Variants in DCAKD observed in about 807,000 individuals in gnomAD.
DCAKD encodes the protein dephospho-CoA kinase domain containing.
In DCAKD, 15 loss-of-function variants were observed where a neutral mutation model predicts 18.7. The observed-to-expected ratio is 0.80, with a 90% CI of 0.54 to 1.24. DCAKD has a LOEUF of 1.24. Ranked by LOEUF, DCAKD falls within the 50% of genes most tolerant of loss-of-function variation. The pLI is 0.00. For synonymous variants in DCAKD, 130 were observed against 133.0 expected (o/e 0.98, Z 0.16); for missense variants, 301 against 322.0 (o/e 0.93, Z 0.50).
rs2052999581 is a variant in DCAKD at position 45,024,132 on chromosome 17, T to TGAC, written c.*298_*300dup. 2.7e-6 allele frequency: 1 copy of TGAC among 365,512 alleles called. No homozygotes were observed. Among genetic ancestry groups the TGAC allele is most frequent in the South Asian group, 5.6e-5 (1 of 17,882 alleles). 22.6% of individuals were successfully genotyped at this position (365,512 alleles called of 1,614,324 possible). A position where few individuals can be genotyped will look rare whatever the true frequency, so the allele number is the denominator to read the frequency against. ...ACCCACAGAAATGTATAGCAGTCTC[T>TGAC]GACTGTTGCTTTCACACACCATCAC... On this transcript the variant is annotated 3_prime_UTR_variant, in exon 5 of 5. Coordinates refer to ENST00000651974, the MANE Select transcript of DCAKD (RefSeq NM_001288655.2).
At chr17:45,035,482 A>T (rs1193931747) in intron 1 of DCAKD, among the ~76,000 whole-genome samples, 9 of 56,170 alleles carry the variant, frequency 1.6e-4, no homozygotes, top group South Asian at 4.8e-4. Flanking sequence ...ATTCCTTCTA[A>T]AAAAAAAAAA....
intron 4 of DCAKD, among the ~76,000 whole-genome samples, 165 bp downstream of exon 4, chr17:45,029,927 G>A (rs369772764): frequency 6.6e-6 from 1 of 152,024 alleles, no homozygotes; most frequent in Non-Finnish European, 1.5e-5. Flanking sequence ...AGGACTATCC[G>A]CGTCAGGCAC....
intron 1 of DCAKD, among the ~76,000 whole-genome samples, chr17:45,035,774 C>T (rs1449536826): frequency 2.6e-5 from 4 of 152,300 alleles, no homozygotes; most frequent in African/African-American, 9.6e-5. Context: ...AAAGAGACCA[C>T]AAATAGAGTC....
rs900738767 is a variant in DCAKD, at chr17:45,051,509, G to C, written c.-263C>G. On this transcript the variant is annotated 5_prime_UTR_variant, in exon 1 of 5. Coordinates refer to ENST00000651974, the MANE Select transcript of DCAKD (RefSeq NM_001288655.2). Reference sequence around the variant, plus strand: ...CGCGGCCAGGGCCCGCCCCCTCCCCGGCGCCCGGCTGGCTCTCACCGGCCC... The same window carrying C: ...CGCGGCCAGGGCCCGCCCCCTCCCCCGCGCCCGGCTGGCTCTCACCGGCCC... 1.3e-5 allele frequency: 2 copies of C among 151,810 alleles called. No individual in the cohort carries two copies. The highest frequency in any genetic ancestry group is 4.2e-4 in the South Asian group (2 of 4,812). The allele number at this position is 151,810 out of a possible 1,614,324, so 9.4% of individuals were successfully genotyped here.
intron 1 of DCAKD, among the ~76,000 whole-genome samples, chr17:45,037,503 A>G (rs2053329157): frequency 1.3e-5 from 2 of 152,072 alleles, no homozygotes; most frequent in African/African-American, 4.8e-5. Context: ...GTCGTTGCCC[A>G]GGCTGGAGTG....
At chr17:45,056,046 T>G (rs1057419871), upstream of DCAKD, among the ~76,000 whole-genome samples, 2 of 151,420 alleles carry the variant, frequency 1.3e-5, no homozygotes, top group Non-Finnish European at 1.5e-5. Flanking sequence ...TCCCAGCTAC[T>G]CAGGAGGCTG....
intron 4 of DCAKD, among the ~76,000 whole-genome samples, chr17:45,026,217 ACT>A (rs2143164622): frequency 1.0e-5 from 1 of 99,922 alleles, no homozygotes; most frequent in African/African-American, 3.7e-5. Flanking sequence ...CCGCGCCTGG[ACT>A]TTTTTTTTTT....
chr17:45,045,990 A>AT (rs1325661453), intron 1 of DCAKD, among the ~76,000 whole-genome samples: 2 of 151,222 alleles, frequency 1.3e-5, no homozygotes, highest in East Asian at 2.0e-4. Context: ...CGCCCAGCTA[A>AT]TTTTTTTTGT....
At chr17:45,033,346 A>C (rs1163865480) in intron 3 of DCAKD, among the ~76,000 whole-genome samples, 4 of 152,118 alleles carry the variant, frequency 2.6e-5, no homozygotes, top group Non-Finnish European at 5.9e-5. Flanking sequence ...CCAGTCTACA[A>C]ACTTGCTTTC....
At position 45,024,428 on chromosome 17, in the gene DCAKD, C is replaced by T; in HGVS notation, c.*5G>A. The T allele has an allele frequency of 1.3e-6, 2 of 1,588,582 alleles. No individual in the cohort carries two copies. Among genetic ancestry groups the T allele is most frequent in the Non-Finnish European group, 1.7e-6 (2 of 1,160,518 alleles). ...GGCCTGGGGCTCCCTGCCTTGAGTG[C>T]CCCACTAGGCGTAAGGCAGAAGGTA... On this transcript the variant is annotated 3_prime_UTR_variant, in exon 5 of 5. Transcript: ENST00000651974.
intron 1 of DCAKD, among the ~76,000 whole-genome samples, chr17:45,035,912 T>C (rs1392035757): frequency 6.6e-6 from 1 of 152,174 alleles, no homozygotes; most frequent in African/African-American, 2.4e-5. Context: ...ACAATCCTCT[T>C]GGCCCAGATG....
At chr17:45,033,659 T>G (rs531911106) in intron 3 of DCAKD, among the ~76,000 whole-genome samples, 1 of 152,246 alleles carries the variant, frequency 6.6e-6, no homozygotes, top group South Asian at 2.1e-4. Flanking sequence ...GGGACGGGGT[T>G]TCACCATGTT....
chr17:45,057,470 A>G (rs1227611906), intron 1 of DCAKD, among the ~76,000 whole-genome samples: 1 of 151,970 alleles, frequency 6.6e-6, no homozygotes, highest in Non-Finnish European at 1.5e-5. Flanking sequence ...TGGGAGGCCG[A>G]GGCAGGCGGA....
intron 3 of DCAKD, among the ~76,000 whole-genome samples, chr17:45,032,815 G>A (rs2053200212): frequency 6.6e-6 from 1 of 152,004 alleles, no homozygotes; most frequent in Non-Finnish European, 1.5e-5. Context: ...TACCCTCGTG[G>A]AAGGAGAGTC....
Position 45,030,170 on chromosome 17 carries a change from T to C in DCAKD, c.326A>G (p.Tyr109Cys), listed in dbSNP as rs755858662. ...TFKYFLRGYR[Y>C]VILDIPLLFE... ...CAGCAGGGGGATATCCAGAATCACGTAGCGGTATCCTGGGGAGAGGTTGGA... is the reference window on the plus strand; with the variant it reads ...CAGCAGGGGGATATCCAGAATCACGCAGCGGTATCCTGGGGAGAGGTTGGA... Residue 109 changes from tyrosine to cysteine, a missense_variant, in exon 4 of 5, where the codon TAC becomes TGC. Tyr to Cys is a radical substitution (Grantham distance 194). Transcript: ENST00000651974. 6.2e-7 allele frequency: 1 copy of C among 1,613,980 alleles called. No homozygotes were observed. The highest frequency in any genetic ancestry group is 8.5e-7 in the Non-Finnish European group (1 of 1,179,906).
intron 1 of DCAKD, among the ~76,000 whole-genome samples, chr17:45,041,802 G>C (rs1335124619): frequency 1.3e-5 from 2 of 152,046 alleles, no homozygotes; most frequent in African/African-American, 2.4e-5. Context: ...AAGTGTGGTG[G>C]TGGTAAGTGG....
chr17:45,034,538 G>A lies in DCAKD; in HGVS notation c.113-148C>T. The A allele has an allele frequency of 3.1e-6, 3 of 977,200 alleles. 1 individual carries two copies. The Middle Eastern group carries it at 9.0e-4, about 294-fold the overall frequency. 60.5% of individuals were successfully genotyped at this position (977,200 alleles called of 1,614,324 possible). A position where few individuals can be genotyped will look rare whatever the true frequency, so the allele number is the denominator to read the frequency against. On this transcript the variant is annotated intron_variant, in intron 2 of 4. Coordinates refer to ENST00000651974, the MANE Select transcript of DCAKD (RefSeq NM_001288655.2). ...AATGAGGGTAGAGAAAGCAGTGAAGGAAAAGAGCAGAGTGTACAGGATCCC... is the reference window on the plus strand; with the variant it reads ...AATGAGGGTAGAGAAAGCAGTGAAGAAAAAGAGCAGAGTGTACAGGATCCC...
At chr17:45,044,021 T>A (rs2053504316) in intron 1 of DCAKD, among the ~76,000 whole-genome samples, 1 of 152,068 alleles carries the variant, frequency 6.6e-6, no homozygotes, top group African/African-American at 2.4e-5. Flanking sequence ...TGCTCCAAAG[T>A]TAGGAACAAA....
At chr17:45,029,283 G>A (rs2053124500) in intron 4 of DCAKD, among the ~76,000 whole-genome samples, 1 of 152,206 alleles carries the variant, frequency 6.6e-6, no homozygotes, top group South Asian at 2.1e-4. Context: ...AAAGGCAGGG[G>A]GATTTTCAGG....
Sources: allele counts gnomAD v4.1 joint callset (sites outside exome capture counted in the v4.1 genomes callset), GRCh38; gene constraint gnomAD v4.1.1; transcripts MANE v1.5; gene names NCBI Gene and HGNC (gene_info 2026-07-23, HGNC 2026-07-21).